Variants in LBR observed in about 807,000 individuals in gnomAD.
LBR encodes the protein delta(14)-sterol reductase LBR.
In LBR, 28 loss-of-function variants were observed where a neutral mutation model predicts 74.3. The observed-to-expected ratio is 0.38, with a 90% confidence interval of 0.28 to 0.52. The LOEUF is 0.52. Ranked by LOEUF, LBR falls within the 20% of genes least tolerant of loss-of-function variation. The pLI is 0.89. For missense variants in LBR, 717 were observed against 760.3 expected, an observed-to-expected ratio of 0.94 and a Z score of 0.67; for synonymous variants, 228 against 269.3, an observed-to-expected ratio of 0.85 and a Z score of 1.50.
At chr1:225,427,439 G>C (rs1455232721) in intron 1 of LBR, 5 of 152,750 alleles carry the variant, frequency 3.3e-5, no homozygotes, top group African/African-American at 1.2e-4. Context: ...CTCAAAGCCA[G>C]TGACAAGCAG....
At position 225,423,946 on chromosome 1, in the gene LBR, C is replaced by G. The variant is rs1481655481; in HGVS notation, c.130G>C (p.Gly44Arg). The G allele has an allele frequency of 6.2e-7, 1 of 1,613,818 alleles. No individual in the cohort carries two copies. The highest frequency in any genetic ancestry group is 1.3e-5 in the African/African-American group (1 of 74,908). Residue 44 changes from glycine (G) to arginine (R), a missense_variant, in exon 2 of 14, where the codon GGA becomes CGA. By Grantham distance (125) the Gly-to-Arg change is moderately radical. Transcript: ENST00000272163. ...SQLYTVKYKD[G>R]TELELKENDI... ...TTCTCTTTCAATTCAAGCTCTGTTCCATCTTTATACTTCACAGTGTAAAGC... is the reference window on the plus strand; with the variant it reads ...TTCTCTTTCAATTCAAGCTCTGTTCGATCTTTATACTTCACAGTGTAAAGC...
Position 225,428,014 on chromosome 1 carries a change from G to GC in LBR, c.-76dup, listed in dbSNP as rs1164948129. 6.6e-6 allele frequency: 1 copy of GC among 152,098 alleles called. No individual in the cohort carries two copies. Among genetic ancestry groups the GC allele is most frequent in the Non-Finnish European group, 1.5e-5 (1 of 68,038 alleles). 9.4% of individuals were successfully genotyped at this position (152,098 alleles called of 1,614,324 possible). ...CGGAGAATAGTCGCACAGCAACCCG[G>GC]CGGCAGATCCACGCGCGCGACGCTA... On this transcript the variant is annotated 5_prime_UTR_variant, in exon 1 of 14. Transcript: ENST00000272163.
At chr1:225,410,230 C>T (rs1326875399) in intron 10 of LBR, 61 bp downstream of exon 10, 2 of 1,609,390 alleles carry the variant, frequency 1.2e-6, no homozygotes, top group East Asian at 2.2e-5. Flanking sequence ...GAGGCTCTGA[C>T]AGGTCACTCA....
At chr1:225,407,171 G>A (rs1303161523) in intron 10 of LBR, among the ~76,000 whole-genome samples, 8 of 152,014 alleles carry the variant, frequency 5.3e-5, no homozygotes, top group Non-Finnish European at 1.0e-4. Context: ...CTGCTGCTCA[G>A]ACCTGGGCAC....
intron 1 of LBR, among the ~76,000 whole-genome samples, chr1:225,424,834 T>G (rs1000283577): frequency 3.3e-5 from 5 of 152,238 alleles, no homozygotes; most frequent in African/African-American, 1.2e-4. Context: ...GCCACTTACG[T>G]GAGGCCTGTC....
chr1:225,419,476 A>T (rs1279210754), intron 4 of LBR, 24 bp from the exon 5 acceptor site: 1 of 1,526,806 alleles, frequency 6.5e-7, no homozygotes, highest in African/African-American at 1.4e-5. Flanking sequence ...TTAAAAATTA[A>T]ATATCTGCAG....
chr1:225,427,476 A>T (rs2096142039), intron 1 of LBR: 1 of 152,362 alleles, frequency 6.6e-6, no homozygotes, highest in South Asian at 2.1e-4. Context: ...CCTCGGCCGC[A>T]GACCCTTCCC....
At position 225,416,179 on chromosome 1, in the gene LBR, A is replaced by G. The variant is rs145830665; in HGVS notation, c.838-847T>C. ...ACCACTGCACTCCAGCCTGGGCAAC[A>G]GAGCAAGACCCTGTCTCAAGAAAAA... On this transcript the variant is annotated intron_variant, in intron 6 of 13. Coordinates refer to ENST00000272163, the MANE Select transcript of LBR (RefSeq NM_002296.4). 1.5e-3 allele frequency among the ~76,000 whole-genome samples: 229 copies of G among 151,756 alleles called. 1 individual carries two copies. Among genetic ancestry groups the G allele is most frequent in the African/African-American group, 5.1e-3 (211 of 41,334 alleles).
rs1575230576 is a variant in LBR at position 225,422,378 on chromosome 1, T to C, written c.166-101A>G. ...TAACAAAGGCAGGAACTGCTACCAT[T>C]AACTCTAAAATCAGCACGGGAAATG... is the stretch of plus-strand genomic sequence containing the variant. On this transcript the variant is annotated intron_variant, in intron 2 of 13. Transcript: ENST00000272163. 4.4e-6 allele frequency: 4 copies of C among 916,084 alleles called. No individual in the cohort carries two copies. In the Admixed American group the frequency reaches 6.0e-5, roughly 14 times the overall value. The allele number at this position is 916,084 out of a possible 1,614,324, so 56.7% of individuals were successfully genotyped here. A position where few individuals can be genotyped will look rare whatever the true frequency, so the allele number is the denominator to read the frequency against.
chr1:225,406,175 C>T (rs547713525), intron 11 of LBR, among the ~76,000 whole-genome samples: 1 of 152,252 alleles, frequency 6.6e-6, no homozygotes, highest in Admixed American at 6.5e-5. Flanking sequence ...ACCATATCCT[C>T]CGATAAGTTC....
At chr1:225,414,024 C>T (rs1479663298) in intron 7 of LBR, 1 of 456,600 alleles carries the variant, frequency 2.2e-6, no homozygotes, top group Non-Finnish European at 4.4e-6. Context: ...AGTCAACAAC[C>T]CACCTCACCC....
In LBR at chr1:225,419,802, A is replaced by C. The variant is rs1430665762; in HGVS notation, c.367-4T>G. The C allele has an allele frequency of 6.3e-7, 1 of 1,578,728 alleles. No homozygotes were observed. The highest frequency in any genetic ancestry group is 1.7e-5 in the Admixed American group (1 of 59,936). On this transcript the variant is annotated splice_polypyrimidine_tract_variant and splice_region_variant and intron_variant, in intron 3 of 13. Transcript: ENST00000272163. ...TGATGCTATTTCCAAATGGCTTCTAAATTGAAGAATATAAACATTTAATCA... is the reference window on the plus strand; with the variant it reads ...TGATGCTATTTCCAAATGGCTTCTACATTGAAGAATATAAACATTTAATCA...
intron 11 of LBR, among the ~76,000 whole-genome samples, chr1:225,404,937 T>C (rs538908510): frequency 1.4e-4 from 21 of 152,306 alleles, no homozygotes; most frequent in Non-Finnish European, 2.8e-4. Context: ...TAAATCCCAC[T>C]ATGTAAAAAG....
At chr1:225,420,971 T>C (rs993975750) in intron 3 of LBR, among the ~76,000 whole-genome samples, 1 of 152,190 alleles carries the variant, frequency 6.6e-6, no homozygotes, top group Non-Finnish European at 1.5e-5. Flanking sequence ...ATAAAAATAC[T>C]TGTTTGTAAT....
rs1177811282 is a variant in LBR at position 225,403,136 on chromosome 1, G to A, written c.*167C>T. 10 of 625,650 alleles carry A rather than the reference G, an allele frequency of 1.6e-5. No individual in the cohort carries two copies. Among genetic ancestry groups the A allele is most frequent in the East Asian group, 5.5e-5 (2 of 36,370 alleles). The allele number at this position is 625,650 out of a possible 1,614,324, so 38.8% of individuals were successfully genotyped here. A position where few individuals can be genotyped will look rare whatever the true frequency, so the allele number is the denominator to read the frequency against. On this transcript the variant is annotated 3_prime_UTR_variant, in exon 14 of 14. Coordinates refer to ENST00000272163, the MANE Select transcript of LBR (RefSeq NM_002296.4). ...ACTGTAAGTTAATACAAGTAAACAC[G>A]GCTATATTAAAAGATCAACTACTCG... is the stretch of plus-strand genomic sequence containing the variant.
chr1:225,406,607 A>G, intron 11 of LBR, 57 bp downstream of exon 11: 1 of 1,474,916 alleles, frequency 6.8e-7, no homozygotes, highest in Middle Eastern at 2.1e-4. Flanking sequence ...AGCAGGGCAT[A>G]AAAGCCTCAG....
At chr1:225,423,503 C>G (rs898664543) in intron 2 of LBR, among the ~76,000 whole-genome samples, 19 of 151,988 alleles carry the variant, frequency 1.3e-4, no homozygotes, top group African/African-American at 4.4e-4. Context: ...CTTTGGCATA[C>G]TGCCCTCTCT....
chr1:225,423,287 C>T (rs1189700715), intron 2 of LBR, among the ~76,000 whole-genome samples: 1 of 152,092 alleles, frequency 6.6e-6, no homozygotes, highest in Non-Finnish European at 1.5e-5. Flanking sequence ...TATCTTAAAA[C>T]CCAGGCCCTC....
Position 225,410,389 on chromosome 1 carries a change from C to T in LBR, c.1216G>A (p.Ala406Thr), listed in dbSNP as rs760590170. Residue 406 changes from alanine to threonine, a missense_variant, in exon 10 of 14, where the codon GCT becomes ACT. Coordinates refer to ENST00000272163, the MANE Select transcript of LBR (RefSeq NM_002296.4). Reference sequence around the variant, plus strand: ...GCGCGGTCCTGTATTTTCATTTCAGCCAAAAGCATCACCAAGTTAATAACC... The same window carrying T: ...GCGCGGTCCTGTATTTTCATTTCAGTCAAAAGCATCACCAAGTTAATAACC... ...WVVINLVMLL[A>T]EMKIQDRAVP... The T allele has an allele frequency of 1.2e-6, 2 of 1,614,146 alleles. No individual in the cohort carries two copies. Among genetic ancestry groups the T allele is most frequent in the South Asian group, 2.2e-5 (2 of 91,084 alleles).
Sources: allele counts gnomAD v4.1 joint callset (sites outside exome capture counted in the v4.1 genomes callset), GRCh38; gene constraint gnomAD v4.1.1; transcripts MANE v1.5; gene names NCBI Gene and HGNC (gene_info 2026-07-23, HGNC 2026-07-21).